The following TANC2 variants were observed in gnomAD, a reference collection of about 807,000 sequenced individuals.
TANC2 encodes the protein tetratricopeptide repeat, ankyrin repeat and coiled-coil containing 2.
TANC2 carries 26 observed loss-of-function variants against 210.5 expected under a neutral mutation model. That is an observed-to-expected ratio of 0.12 (90% CI 0.09 to 0.17). The LOEUF is 0.17. Ranked by LOEUF, TANC2 falls within the 10% of genes least tolerant of loss-of-function variation. TANC2 has a pLI of 1.00. For synonymous variants in TANC2, 931 were observed against 967.1 expected, an observed-to-expected ratio of 0.96 and a Z score of 0.69; for missense variants, 2,129 against 2,608.9, an observed-to-expected ratio of 0.82 and a Z score of 4.01.
At chr17:63,055,903 G>C (rs2035757540) in intron 2 of TANC2, among the ~76,000 whole-genome samples, 1 of 141,404 alleles carries the variant, frequency 7.1e-6, no homozygotes, top group African/African-American at 2.6e-5. Context: ...CAAGGTGGGA[G>C]GATCACTTGA....
At chr17:63,276,581 C>T (rs1005286815) in intron 9 of TANC2, among the ~76,000 whole-genome samples, 4 of 150,808 alleles carry the variant, frequency 2.7e-5, no homozygotes, top group Non-Finnish European at 5.9e-5. Context: ...TTTTTCTCAA[C>T]AAATGTTTTC....
At chr17:63,017,976 TA>T (rs909723851) in intron 2 of TANC2, among the ~76,000 whole-genome samples, 2 of 150,770 alleles carry the variant, frequency 1.3e-5, no homozygotes, top group East Asian at 2.0e-4. Context: ...AACTTGTCTC[TA>T]AAAAAAAGAA....
intron 4 of TANC2, among the ~76,000 whole-genome samples, chr17:63,110,168 A>T (rs17745114): frequency 7.3e-5 from 11 of 151,672 alleles, no homozygotes; most frequent in Non-Finnish European, 1.0e-4. Context: ...CCACATTTTG[A>T]CATCCTTTAG....
intron 5 of TANC2, chr17:63,182,314 C>A (rs918232892): frequency 1.0e-5 from 2 of 200,658 alleles, no homozygotes; most frequent in Non-Finnish European, 1.0e-5. Flanking sequence ...CAGAAAATTC[C>A]GACAAGTAGC....
intron 25 of TANC2, among the ~76,000 whole-genome samples, chr17:63,415,068 G>A (rs1292018629): frequency 6.6e-6 from 1 of 152,242 alleles, no homozygotes; most frequent in Admixed American, 6.5e-5. Context: ...ATGAGGAAGA[G>A]AGTGACTTCT....
chr17:63,221,970 C>G (rs1406359551), intron 7 of TANC2, among the ~76,000 whole-genome samples: 1 of 152,206 alleles, frequency 6.6e-6, no homozygotes, highest in Non-Finnish European at 1.5e-5. Context: ...CAGCTTTATT[C>G]ATGATGGCTG....
chr17:63,369,404 G>T (rs1024510885), intron 14 of TANC2, among the ~76,000 whole-genome samples: 6 of 152,142 alleles, frequency 3.9e-5, no homozygotes, highest in Non-Finnish European at 8.8e-5. Context: ...CTAGGAATGA[G>T]TGGTTTGGAA....
rs1472135033 is a variant in TANC2, at chr17:63,205,372, A to AAC, written c.769+4415_769+4416insAC. On this transcript the variant is annotated intron_variant, in intron 7 of 27. Coordinates refer to ENST00000689528, the Ensembl canonical transcript of TANC2. ...AAAAAAAAAAAAAAAAAAAAAAAAA[A>AAC]CCTCATACACCGAAAACTACAAAAC... Among the ~76,000 whole-genome samples the AAC allele has an allele frequency of 5.4e-3, 707 of 131,832 alleles. 48 individuals carry two copies. The highest frequency in any genetic ancestry group is 0.01 in the African/African-American group (322 of 32,116). The allele number at this position is 131,832 out of a possible 152,430, so 86.5% of individuals were successfully genotyped here. A position where few individuals can be genotyped will look rare whatever the true frequency, so the allele number is the denominator to read the frequency against.
intron 2 of TANC2, among the ~76,000 whole-genome samples, chr17:63,011,051 T>A (rs1042382505): frequency 6.6e-6 from 1 of 152,132 alleles, no homozygotes; most frequent in African/African-American, 2.4e-5. Context: ...CTGACTCTCA[T>A]GGTAGGCCTC....
chr17:63,411,395 G>A, intron 21 of TANC2, 116 bp from the exon 22 acceptor site: 1 of 1,018,876 alleles, frequency 9.8e-7, no homozygotes, highest in South Asian at 1.7e-5. Context: ...TCTTAAAATG[G>A]AAATAGTCCA....
At chr17:63,005,439 C>G (rs1176048964) in intron 1 of TANC2, among the ~76,000 whole-genome samples, 1 of 151,578 alleles carries the variant, frequency 6.6e-6, no homozygotes, top group Non-Finnish European at 1.5e-5. Context: ...CTTGCATTAT[C>G]ATGTGTGCTT....
At chr17:63,276,337 C>T (rs960855477) in intron 9 of TANC2, among the ~76,000 whole-genome samples, 1 of 152,050 alleles carries the variant, frequency 6.6e-6, no homozygotes, top group Non-Finnish European at 1.5e-5. Flanking sequence ...GAGCACAATA[C>T]TTAAAACAAC....
intron 8 of TANC2, among the ~76,000 whole-genome samples, chr17:63,240,714 A>G (rs1353000216): frequency 6.6e-6 from 1 of 152,208 alleles, no homozygotes. Context: ...GAAACTAACC[A>G]CCAGACAGTA....
Position 63,421,792 on chromosome 17 carries a change from G to C in TANC2, c.6062G>C (p.Arg2021Pro). The change falls in exon 28 of 28, where the codon CGA (arginine) becomes CCA (proline). Residue 2021 changes from arginine to proline, a missense_variant. By Grantham distance (103) the Arg-to-Pro change is moderately radical. Around this residue, in one of 5 missense-constraint regions of TANC2, gnomAD observed 161 missense variants for 178.6 expected, o/e 0.90. Transcript: ENST00000689528. The surrounding 1 kb of genome is among the most constrained non-coding windows in gnomAD (Gnocchi z 6.9). Reference sequence around the variant, plus strand: ...GGGTCTCGTGGAGACCTCTTGGAGCGAGTCAGCCAGGCCTCCTCCTATCCC... The same window carrying C: ...GGGTCTCGTGGAGACCTCTTGGAGCCAGTCAGCCAGGCCTCCTCCTATCCC... The C allele has an allele frequency of 6.2e-7, 1 of 1,614,022 alleles. No homozygotes were observed. The highest frequency in any genetic ancestry group is 8.5e-7 in the Non-Finnish European group (1 of 1,179,902).
chr17:63,354,647 G>A (rs956807729), intron 13 of TANC2, 136 bp from the exon 14 acceptor site: 10 of 1,107,574 alleles, frequency 9.0e-6, no homozygotes, highest in Non-Finnish European at 1.2e-5. Context: ...TTACTTTTTG[G>A]ATACTAATAC....
At chr17:62,999,426 AAACC>A (rs2033267552) in intron 1 of TANC2, among the ~76,000 whole-genome samples, 1 of 152,222 alleles carries the variant, frequency 6.6e-6, no homozygotes, top group East Asian at 1.9e-4. Flanking sequence ...CACAGACTTT[AAACC>A]AACAATGGTC....
At chr17:63,262,199 T>A (rs2146232850) in intron 8 of TANC2, among the ~76,000 whole-genome samples, 1 of 152,346 alleles carries the variant, frequency 6.6e-6, no homozygotes, top group South Asian at 2.1e-4. Context: ...TGATTTTTTT[T>A]CTTTAAGAGA....
At chr17:63,366,966 G>A (rs2047128242) in intron 14 of TANC2, among the ~76,000 whole-genome samples, 1 of 152,216 alleles carries the variant, frequency 6.6e-6, no homozygotes, top group Non-Finnish European at 1.5e-5. Context: ...AAGTTTAACT[G>A]TTGGCAGAAT....
chr17:63,064,692 G>T (rs923647446), intron 2 of TANC2, among the ~76,000 whole-genome samples: 1 of 151,656 alleles, frequency 6.6e-6, no homozygotes, highest in Non-Finnish European at 1.5e-5. Flanking sequence ...AAAAATTATT[G>T]TGGATTTTAT....
Sources: allele counts gnomAD v4.1 joint callset (sites outside exome capture counted in the v4.1 genomes callset), GRCh38; gene constraint gnomAD v4.1.1; regional missense constraint gnomAD v4.1.1; non-coding constraint Gnocchi (gnomAD v3.1); transcripts MANE v1.5; gene names NCBI Gene and HGNC (gene_info 2026-07-23, HGNC 2026-07-21).